The following PRKCA variants were observed in gnomAD, a reference collection of about 807,000 sequenced individuals.
PRKCA encodes protein kinase C alpha.
A neutral mutation model predicts 87.0 loss-of-function variants in PRKCA; 27 were observed. That is an observed-to-expected ratio of 0.31 (90% CI 0.23 to 0.43). PRKCA has a LOEUF of 0.43. PRKCA is among the 20% of genes least tolerant of loss of function. PRKCA has a pLI of 1.00. For missense variants in PRKCA, 518 were observed against 852.3 expected (o/e 0.61, Z 4.88); for synonymous variants, 329 against 311.1 (o/e 1.06, Z -0.61).
At chr17:66,630,556 A>G (rs1051986400) in intron 3 of PRKCA, among the ~76,000 whole-genome samples, 9 of 152,244 alleles carry the variant, frequency 5.9e-5, no homozygotes, top group Admixed American at 5.2e-4. Context: ...TTCCTCTGCC[A>G]TGAGAATGGC....
chr17:66,767,017 T>A (rs1395579709), intron 13 of PRKCA, among the ~76,000 whole-genome samples: 1 of 152,178 alleles, frequency 6.6e-6, no homozygotes, highest in African/African-American at 2.4e-5. Flanking sequence ...GATTAATATT[T>A]CATTAATCCC....
intron 3 of PRKCA, among the ~76,000 whole-genome samples, chr17:66,503,618 G>A (rs549113698): frequency 6.6e-6 from 1 of 152,264 alleles, no homozygotes; most frequent in East Asian, 1.9e-4. Context: ...TGTGAGACTG[G>A]ACTCCGTGGA....
intron 3 of PRKCA, among the ~76,000 whole-genome samples, chr17:66,522,642 G>A (rs927037753): frequency 2.5e-4 from 38 of 152,034 alleles, no homozygotes; most frequent in African/African-American, 9.2e-4. Flanking sequence ...GGAACCAGCT[G>A]CCCAAGGCAA....
At chr17:66,592,878 C>A (rs1408574592) in intron 3 of PRKCA, among the ~76,000 whole-genome samples, 1 of 152,196 alleles carries the variant, frequency 6.6e-6, no homozygotes, top group African/African-American at 2.4e-5. Context: ...CTGCAACTTC[C>A]ATCTCCTGGG....
chr17:66,777,760 C>T lies in PRKCA; in HGVS notation c.1605+3693C>T, dbSNP rs150622354. 134 of 985,342 alleles carry T rather than the reference C, an allele frequency of 1.4e-4. No homozygotes were observed. In the East Asian group the frequency reaches 2.4e-3, roughly 18 times the overall value. The allele number at this position is 985,342 out of a possible 1,614,324, so 61.0% of individuals were successfully genotyped here. On this transcript the variant is annotated intron_variant, in intron 14 of 16. Transcript: ENST00000413366. ...ATGCTAACATGCAAAAGGGGCTGGG[C>T]GGAAACGAAGCCAGGATCTGTTTCC...
At chr17:66,622,310 T>C (rs1970709740) in intron 3 of PRKCA, among the ~76,000 whole-genome samples, 1 of 152,242 alleles carries the variant, frequency 6.6e-6, no homozygotes, top group South Asian at 2.1e-4. Flanking sequence ...TCTCTTTCTG[T>C]AACCTGAGAA....
At chr17:66,358,638 C>T (rs1002320584) in intron 2 of PRKCA, among the ~76,000 whole-genome samples, 4 of 152,042 alleles carry the variant, frequency 2.6e-5, no homozygotes, top group Non-Finnish European at 4.4e-5. Context: ...CTTGTTCATT[C>T]GGTGGTCAGC....
intron 14 of PRKCA, 169 bp downstream of exon 14, chr17:66,774,236 T>C (rs1444044931): frequency 6.8e-7 from 1 of 1,474,084 alleles, no homozygotes; most frequent in African/African-American, 1.4e-5. Flanking sequence ...GTGGATCACG[T>C]TCAGTATGCA....
At chr17:66,354,522 G>A (rs1430671394) in intron 2 of PRKCA, among the ~76,000 whole-genome samples, 1 of 152,162 alleles carries the variant, frequency 6.6e-6, no homozygotes, top group Non-Finnish European at 1.5e-5. Flanking sequence ...TTTGAAAATA[G>A]AAGATTAAAA....
At chr17:66,619,746 A>G (rs1218977202) in intron 3 of PRKCA, among the ~76,000 whole-genome samples, 1 of 152,186 alleles carries the variant, frequency 6.6e-6, no homozygotes, top group African/African-American at 2.4e-5. Flanking sequence ...CATTAAGCAG[A>G]CACCTTAAGA....
Position 66,358,091 on chromosome 17 carries a change from G to A in PRKCA, c.205+51964G>A, listed in dbSNP as rs145596340. 2.5e-3 allele frequency among the ~76,000 whole-genome samples: 381 copies of A among 152,126 alleles called. 3 individuals are homozygous for A. The highest frequency in any genetic ancestry group is 8.5e-3 in the African/African-American group (354 of 41,506). ...ATTAGATCTCTTGAACATTTGAAAAGTTCAATAAGTACTTGTTTGTGTCAT... is the reference window on the plus strand; with the variant it reads ...ATTAGATCTCTTGAACATTTGAAAAATTCAATAAGTACTTGTTTGTGTCAT... On this transcript the variant is annotated intron_variant, in intron 2 of 16. Coordinates refer to ENST00000413366, the MANE Select transcript of PRKCA (RefSeq NM_002737.3).
intron 5 of PRKCA, among the ~76,000 whole-genome samples, chr17:66,682,464 C>G (rs1401250863): frequency 1.1e-4 from 16 of 152,260 alleles, no homozygotes; most frequent in Admixed American, 1.0e-3. Flanking sequence ...ATAAAGGCTG[C>G]AGAACTGCTA....
chr17:66,622,340 A>G (rs1041465330), intron 3 of PRKCA, among the ~76,000 whole-genome samples: 1 of 152,244 alleles, frequency 6.6e-6, no homozygotes, highest in African/African-American at 2.4e-5. Flanking sequence ...ACAATAACAG[A>G]GGAAAGCCAA....
chr17:66,307,968 C>T (rs1904909160), intron 2 of PRKCA, among the ~76,000 whole-genome samples: 2 of 152,154 alleles, frequency 1.3e-5, no homozygotes, highest in Non-Finnish European at 2.9e-5. Context: ...GCAACTTGCT[C>T]TTTTCACTCA....
chr17:66,471,558 C>G (rs1029074678), intron 2 of PRKCA, among the ~76,000 whole-genome samples: 1 of 152,068 alleles, frequency 6.6e-6, no homozygotes, highest in Non-Finnish European at 1.5e-5. Flanking sequence ...TTGCAGCCCT[C>G]CATGATTTTA....
chr17:66,431,489 G>A (rs755727772), intron 2 of PRKCA, among the ~76,000 whole-genome samples: 4 of 152,180 alleles, frequency 2.6e-5, no homozygotes, highest in Admixed American at 6.5e-5. Context: ...AATAATTTGA[G>A]TTTCATTTCT....
At chr17:66,357,752 A>C (rs777836169) in intron 2 of PRKCA, among the ~76,000 whole-genome samples, 13 of 152,228 alleles carry the variant, frequency 8.5e-5, no homozygotes, top group Non-Finnish European at 1.8e-4. Flanking sequence ...ATTATCATGA[A>C]TAACTAGTAA....
intron 3 of PRKCA, among the ~76,000 whole-genome samples, chr17:66,505,287 G>C (rs918205120): frequency 6.6e-6 from 1 of 152,132 alleles, no homozygotes; most frequent in Non-Finnish European, 1.5e-5. Flanking sequence ...GTGGGGGAGT[G>C]GGTGGCATGG....
chr17:66,711,145 T>C (rs1393584747), intron 8 of PRKCA, among the ~76,000 whole-genome samples: 1 of 152,198 alleles, frequency 6.6e-6, no homozygotes, highest in Non-Finnish European at 1.5e-5. Context: ...ATTGAAAGCA[T>C]CCATCCAATG....
Sources: allele counts gnomAD v4.1 joint callset (sites outside exome capture counted in the v4.1 genomes callset), GRCh38; gene constraint gnomAD v4.1.1; transcripts MANE v1.5; gene names NCBI Gene and HGNC (gene_info 2026-07-23, HGNC 2026-07-21).